The following BCAR3 variants were observed in gnomAD, a reference collection of about 807,000 sequenced individuals.
The protein encoded by BCAR3 is breast cancer anti-estrogen resistance protein 3.
Under a neutral mutation model 80.1 loss-of-function variants are expected in BCAR3, and 37 were observed. The observed-to-expected ratio is 0.46, with a 90% CI of 0.36 to 0.61. BCAR3 has a LOEUF of 0.61. Ranked by LOEUF, BCAR3 falls within the 20% of genes least tolerant of loss-of-function variation. BCAR3 has a pLI of 0.00. For missense variants in BCAR3, 978 were observed against 1,068.2 expected (o/e 0.92, Z 1.18); for synonymous variants, 389 against 418.9 (o/e 0.93, Z 0.87).
At chr1:93,577,606 G>C (rs944456007) in intron 7 of BCAR3, among the ~76,000 whole-genome samples, 10 of 152,178 alleles carry the variant, frequency 6.6e-5, no homozygotes, top group African/African-American at 2.2e-4. Context: ...TACAAGTTTT[G>C]AATCATCAGC....
chr1:93,625,023 A>C (rs888583658), intron 3 of BCAR3, among the ~76,000 whole-genome samples: 1 of 152,170 alleles, frequency 6.6e-6, no homozygotes, highest in African/African-American at 2.4e-5. Flanking sequence ...ATCCTCACTA[A>C]CATGGTGAAA....
rs372350344 is a variant in BCAR3 at position 93,720,436 on chromosome 1, A to C, written c.-62-14294T>G. ...GCAAAACAGGACCTAACTTTGGAGTATCCTTCTTCACTGCTGATACAGGGG... is the reference window on the plus strand; with the variant it reads ...GCAAAACAGGACCTAACTTTGGAGTCTCCTTCTTCACTGCTGATACAGGGG... On this transcript the variant is annotated intron_variant, in intron 2 of 13. Transcript: ENST00000370244. The C allele has an allele frequency of 1.5e-3, 234 of 152,406 alleles. 1 individual carries two copies. The highest frequency in any genetic ancestry group is 5.4e-3 in the African/African-American group (225 of 41,570). The allele number at this position is 152,406 out of a possible 1,614,324, so 9.4% of individuals were successfully genotyped here.
intron 3 of BCAR3, among the ~76,000 whole-genome samples, chr1:93,630,671 G>T (rs1242816908): frequency 6.6e-6 from 1 of 152,124 alleles, no homozygotes; most frequent in Non-Finnish European, 1.5e-5. Flanking sequence ...GACAAATGAG[G>T]ATAATATACA....
At chr1:93,733,719 G>A (rs111259402) in intron 2 of BCAR3, among the ~76,000 whole-genome samples, 1,824 of 152,334 alleles carry the variant, frequency 0.012, 12 homozygotes, top group Middle Eastern at 0.034. Flanking sequence ...ACATATGTGT[G>A]CACACATGTG....
rs771161610 is a variant in BCAR3 at position 93,562,154 on chromosome 1, T to TTA, written c.*85_*86dup. ...GCTTGTATATTGTCAGATTTGCACA[T>TTA]TATTACTTTATCAAAAACAGTAAGC... On this transcript the variant is annotated 3_prime_UTR_variant, in exon 12 of 12. Transcript: ENST00000260502. 7.1e-6 allele frequency: 10 copies of TTA among 1,403,670 alleles called. No homozygotes were observed. Among genetic ancestry groups the TTA allele is most frequent in the Non-Finnish European group, 8.7e-6 (9 of 1,029,070 alleles). The allele number at this position is 1,403,670 out of a possible 1,614,324, so 87.0% of individuals were successfully genotyped here. A position where few individuals can be genotyped will look rare whatever the true frequency, so the allele number is the denominator to read the frequency against.
intron 2 of BCAR3, among the ~76,000 whole-genome samples, chr1:93,804,984 T>A (rs75609696): frequency 0.048 from 7,362 of 152,308 alleles, 269 homozygotes; most frequent in Non-Finnish European, 0.067. Flanking sequence ...ACACAACTGC[T>A]TCCATTTTAA....
intron 3 of BCAR3, among the ~76,000 whole-genome samples, chr1:93,640,922 T>C (rs1557635508): frequency 6.6e-6 from 1 of 152,226 alleles, no homozygotes; most frequent in African/African-American, 2.4e-5. Flanking sequence ...GAGCTGTTGT[T>C]ACACACTGCA....
intron 3 of BCAR3, among the ~76,000 whole-genome samples, chr1:93,701,088 T>C (rs374343070): frequency 6.6e-6 from 1 of 152,238 alleles, no homozygotes; most frequent in East Asian, 1.9e-4. Context: ...TCTCTGCTCC[T>C]GTTTCCCCAC....
intron 2 of BCAR3, among the ~76,000 whole-genome samples, chr1:93,726,653 T>C (rs1650594220): frequency 6.6e-6 from 1 of 152,348 alleles, no homozygotes; most frequent in South Asian, 2.1e-4. Flanking sequence ...TTGTGTCTTA[T>C]AGTTGATGGC....
intron 3 of BCAR3, among the ~76,000 whole-genome samples, chr1:93,632,153 C>T (rs566379428): frequency 7.2e-5 from 11 of 152,302 alleles, no homozygotes; most frequent in African/African-American, 1.4e-4. Context: ...AAAGCACTAT[C>T]CTTGTGATTG....
chr1:93,606,362 TTA>T (rs1674772481), intron 3 of BCAR3, among the ~76,000 whole-genome samples: 2 of 152,156 alleles, frequency 1.3e-5, no homozygotes, highest in African/African-American at 4.8e-5. Context: ...GCAAGAATGT[TTA>T]CATCTCACAA....
chr1:93,698,503 C>T (rs924450140), intron 3 of BCAR3, among the ~76,000 whole-genome samples: 8 of 152,156 alleles, frequency 5.3e-5, no homozygotes, highest in African/African-American at 1.9e-4. Context: ...TGACTGTGCC[C>T]TACTCCTCCT....
chr1:93,693,219 T>A (rs541351541), intron 3 of BCAR3, among the ~76,000 whole-genome samples: 34 of 152,336 alleles, frequency 2.2e-4, no homozygotes, highest in Non-Finnish European at 4.1e-4. Flanking sequence ...TTCTACCCAG[T>A]ACAGGGGAAA....
At chr1:93,803,155 T>C (rs1244156462) in intron 2 of BCAR3, among the ~76,000 whole-genome samples, 1 of 152,146 alleles carries the variant, frequency 6.6e-6, no homozygotes. Flanking sequence ...TTACATGCCA[T>C]GAGGGATCTC....
intron 2 of BCAR3, among the ~76,000 whole-genome samples, chr1:93,821,027 CT>C (rs1341616679): frequency 6.6e-6 from 1 of 152,154 alleles, no homozygotes. Flanking sequence ...CCTGTCACCC[CT>C]ATCACTCCGG....
At chr1:93,672,786 A>T (rs1221832540) in intron 2 of BCAR3, among the ~76,000 whole-genome samples, 1 of 152,212 alleles carries the variant, frequency 6.6e-6, no homozygotes. Flanking sequence ...TGACAGAAGC[A>T]GTTCAGGGCT....
chr1:93,608,838 T>C (rs1242579135), intron 3 of BCAR3, among the ~76,000 whole-genome samples: 1 of 152,216 alleles, frequency 6.6e-6, no homozygotes, highest in African/African-American at 2.4e-5. Context: ...AGTGAGCAAC[T>C]AGCAGCTGCC....
At chr1:93,729,758 G>A (rs1281707788) in intron 2 of BCAR3, among the ~76,000 whole-genome samples, 1 of 152,194 alleles carries the variant, frequency 6.6e-6, no homozygotes. Context: ...TGTCCTGGCT[G>A]TGAGCCCTCA....
At position 93,642,305 on chromosome 1, in the gene BCAR3, T is replaced by G. The variant is rs1266024909; in HGVS notation, c.356A>C (p.Lys119Thr). Residue 119 changes from lysine to threonine, a missense_variant and splice_region_variant, in exon 3 of 12, where the codon AAG (lysine) becomes ACG (threonine). Coordinates refer to ENST00000260502, the MANE Select transcript of BCAR3 (RefSeq NM_003567.4). ...ACATGTTTAATTCTCATTTCCTACCTTCACATATTCCACAGTTGGGTCCAG... is the reference window on the plus strand; with the variant it reads ...ACATGTTTAATTCTCATTTCCTACCGTCACATATTCCACAGTTGGGTCCAG... ...HLLDPTVEYVKFSKERHIMDR... is the reference protein window; with the variant it reads ...HLLDPTVEYVTFSKERHIMDR... 6.2e-7 allele frequency: 1 copy of G among 1,613,502 alleles called. No individual in the cohort carries two copies. Among genetic ancestry groups the G allele is most frequent in the East Asian group, 2.2e-5 (1 of 44,890 alleles).
Sources: allele counts gnomAD v4.1 joint callset (sites outside exome capture counted in the v4.1 genomes callset), GRCh38; gene constraint gnomAD v4.1.1; transcripts MANE v1.5; gene names NCBI Gene and HGNC (gene_info 2026-07-23, HGNC 2026-07-21).